Variants in TRIM44 observed in about 807,000 individuals in gnomAD.
The protein encoded by TRIM44 is tripartite motif-containing protein 44.
A neutral mutation model predicts 37.4 loss-of-function variants in TRIM44; 13 were observed. The ratio of observed to expected loss-of-function variants is 0.35; its 90% CI spans 0.23 to 0.55. The LOEUF is 0.55. Ranked by LOEUF, TRIM44 falls within the 20% of genes least tolerant of loss-of-function variation. The pLI is 0.89. For missense variants in TRIM44, 426 were observed against 437.2 expected (o/e 0.97, Z 0.23); for synonymous variants, 175 against 157.2 (o/e 1.11, Z -0.85).
intron 4 of TRIM44, among the ~76,000 whole-genome samples, chr11:35,776,427 T>G (rs560101942): frequency 6.6e-6 from 1 of 152,328 alleles, no homozygotes; most frequent in East Asian, 1.9e-4. Flanking sequence ...TTCATTGATT[T>G]TTTTGAAGGG....
intron 4 of TRIM44, among the ~76,000 whole-genome samples, chr11:35,736,860 CCCTT>C (rs1284947464): frequency 6.6e-6 from 1 of 152,210 alleles, no homozygotes; most frequent in African/African-American, 2.4e-5. Flanking sequence ...ACTCTTCACT[CCCTT>C]CCTTTTGTTC....
At chr11:35,723,887 G>A (rs1185615683) in intron 2 of TRIM44, among the ~76,000 whole-genome samples, 1 of 152,172 alleles carries the variant, frequency 6.6e-6, no homozygotes, top group South Asian at 2.1e-4. Context: ...TATTTCAGGA[G>A]TAGAGATCCA....
chr11:35,697,769 C>T (rs1169031450), intron 2 of TRIM44, among the ~76,000 whole-genome samples: 1 of 151,934 alleles, frequency 6.6e-6, no homozygotes, highest in African/African-American at 2.4e-5. Flanking sequence ...CATGTCCCTA[C>T]AAAGGACATG....
intron 4 of TRIM44, among the ~76,000 whole-genome samples, chr11:35,751,157 A>G (rs909929957): frequency 5.3e-5 from 8 of 152,210 alleles, no homozygotes; most frequent in African/African-American, 1.9e-4. Flanking sequence ...GACAAGGAAT[A>G]TTACTAAATA....
At chr11:35,773,113 C>T (rs1312482154) in intron 4 of TRIM44, among the ~76,000 whole-genome samples, 2 of 152,134 alleles carry the variant, frequency 1.3e-5, no homozygotes, top group Non-Finnish European at 2.9e-5. Flanking sequence ...TGGCATCTTC[C>T]TCATTTTCTC....
chr11:35,699,249 G>T (rs1337034487), intron 2 of TRIM44, among the ~76,000 whole-genome samples: 1 of 151,324 alleles, frequency 6.6e-6, no homozygotes, highest in Non-Finnish European at 1.5e-5. Context: ...TTTGGCTTAG[G>T]ATTGACTTGG....
chr11:35,810,115 A>T lies in TRIM44; in HGVS notation c.*3730A>T, dbSNP rs947951155. On this transcript the variant is annotated 3_prime_UTR_variant, in exon 5 of 5. Coordinates refer to ENST00000299413, the MANE Select transcript of TRIM44 (RefSeq NM_017583.6). ...AATTGCACTCCAGCCCTCCTCCAGG[A>T]TGTCTAATAAGATGGGAAACTTGGA... 1 of 152,132 alleles carries T rather than the reference A, an allele frequency of 6.6e-6. No homozygotes were observed. The highest frequency in any genetic ancestry group is 1.5e-5 in the Non-Finnish European group (1 of 68,018). The allele number at this position is 152,132 out of a possible 1,614,324, so 9.4% of individuals were successfully genotyped here.
chr11:35,778,918 C>G (rs1270953462), intron 4 of TRIM44, among the ~76,000 whole-genome samples: 1 of 152,226 alleles, frequency 6.6e-6, no homozygotes, highest in African/African-American at 2.4e-5. Flanking sequence ...AGGAGGCAGT[C>G]TGTCCATTCT....
chr11:35,731,798 A>G (rs1474182774), intron 3 of TRIM44, among the ~76,000 whole-genome samples: 1 of 152,228 alleles, frequency 6.6e-6, no homozygotes, highest in African/African-American at 2.4e-5. Flanking sequence ...CAGATGGGTA[A>G]ACCATTAAAA....
At chr11:35,797,485 G>C (rs1853308765) in intron 4 of TRIM44, among the ~76,000 whole-genome samples, 1 of 152,152 alleles carries the variant, frequency 6.6e-6, no homozygotes, top group South Asian at 2.1e-4. Flanking sequence ...AAAAAGAGTA[G>C]CCATACCATA....
chr11:35,672,359 AC>A (rs561693569), intron 1 of TRIM44, among the ~76,000 whole-genome samples: 64 of 152,268 alleles, frequency 4.2e-4, no homozygotes, highest in African/African-American at 1.4e-3. Flanking sequence ...ATTTCATGGC[AC>A]ACTAATGTGT....
intron 4 of TRIM44, among the ~76,000 whole-genome samples, chr11:35,803,954 A>C (rs1415640544): frequency 6.6e-6 from 1 of 151,762 alleles, no homozygotes; most frequent in East Asian, 1.9e-4. Flanking sequence ...TTATAAAAAT[A>C]AGATGCTTTC....
chr11:35,679,028 A>G (rs1851496046), intron 1 of TRIM44, among the ~76,000 whole-genome samples: 1 of 151,812 alleles, frequency 6.6e-6, no homozygotes, highest in Non-Finnish European at 1.5e-5. Context: ...AACACAAGCC[A>G]ATGGAATAGG....
intron 2 of TRIM44, among the ~76,000 whole-genome samples, chr11:35,716,966 G>A (rs1852045950): frequency 1.3e-5 from 2 of 152,200 alleles, no homozygotes; most frequent in African/African-American, 4.8e-5. Flanking sequence ...CACATAAAGT[G>A]CTTAGAATAG....
chr11:35,778,089 A>G (rs1389489873), intron 4 of TRIM44, among the ~76,000 whole-genome samples: 2 of 152,216 alleles, frequency 1.3e-5, no homozygotes, highest in African/African-American at 4.8e-5. Context: ...ACTTTGAGGT[A>G]CACCAATCAG....
chr11:35,735,489 A>G (rs1355605599), intron 4 of TRIM44, 44 bp downstream of exon 4: 1 of 1,609,084 alleles, frequency 6.2e-7, no homozygotes, highest in Non-Finnish European at 8.5e-7. Context: ...ATTGAAGTAG[A>G]GTGACATTTG....
rs976654474 is a variant in TRIM44, at chr11:35,807,641, C to G, written c.*1256C>G. 8.6e-5 allele frequency: 13 copies of G among 152,046 alleles called. No individual in the cohort carries two copies. Among genetic ancestry groups the G allele is most frequent in the African/African-American group, 3.1e-4 (13 of 41,382 alleles). 9.4% of individuals were successfully genotyped at this position (152,046 alleles called of 1,614,324 possible). On this transcript the variant is annotated 3_prime_UTR_variant, in exon 5 of 5. Coordinates refer to ENST00000299413, the MANE Select transcript of TRIM44 (RefSeq NM_017583.6). The stretch of plus-strand genomic sequence containing the variant: ...CTTCTTGAAGCATCAGTTTTACTTA[C>G]CAAATGGTTTAGAGTCATAAGATGA...
intron 1 of TRIM44, among the ~76,000 whole-genome samples, chr11:35,669,620 C>T (rs1255536545): frequency 1.3e-5 from 2 of 152,058 alleles, no homozygotes; most frequent in East Asian, 1.9e-4. Flanking sequence ...GAACTGCAGG[C>T]GCCCACCACC....
At chr11:35,666,168 C>A (rs935868738) in intron 1 of TRIM44, among the ~76,000 whole-genome samples, 1 of 152,202 alleles carries the variant, frequency 6.6e-6, no homozygotes, top group Non-Finnish European at 1.5e-5. Context: ...CCTTTGTGCA[C>A]TGATTTGCTG....
Sources: allele counts gnomAD v4.1 joint callset (sites outside exome capture counted in the v4.1 genomes callset), GRCh38; gene constraint gnomAD v4.1.1; transcripts MANE v1.5; gene names NCBI Gene and HGNC (gene_info 2026-07-23, HGNC 2026-07-21).